The following VEPH1 variants were observed in gnomAD, a reference collection of about 807,000 sequenced individuals.
VEPH1 encodes the protein ventricular zone-expressed PH domain-containing protein homolog 1.
A neutral mutation model predicts 85.2 loss-of-function variants in VEPH1; 80 were observed. The observed-to-expected ratio is 0.94, with a 90% confidence interval of 0.78 to 1.13. The LOEUF is 1.13. VEPH1 is among the 50% of genes most tolerant of loss of function. The pLI is 0.00. For missense variants in VEPH1, 955 were observed against 980.5 expected, an observed-to-expected ratio of 0.97 and a Z score of 0.35; for synonymous variants, 297 against 348.0, an observed-to-expected ratio of 0.85 and a Z score of 1.63.
intron 9 of VEPH1, among the ~76,000 whole-genome samples, chr3:157,324,946 T>G (rs1371823786): frequency 6.6e-6 from 1 of 152,220 alleles, no homozygotes; most frequent in Admixed American, 6.5e-5. Flanking sequence ...TAATTTACAC[T>G]CCCACCAACA....
chr3:157,390,952 C>T (rs916948758), intron 6 of VEPH1, among the ~76,000 whole-genome samples: 3 of 152,212 alleles, frequency 2.0e-5, no homozygotes, highest in Non-Finnish European at 2.9e-5. Flanking sequence ...CAGATGCCAG[C>T]GCCCAAAGCG....
intron 9 of VEPH1, among the ~76,000 whole-genome samples, chr3:157,350,397 C>T (rs1402609450): frequency 2.0e-5 from 3 of 152,138 alleles, no homozygotes; most frequent in Non-Finnish European, 4.4e-5. Flanking sequence ...AAGTGTAAAA[C>T]TGGAAACTAT....
chr3:157,349,815 C>A (rs1428858895), intron 9 of VEPH1, among the ~76,000 whole-genome samples: 7 of 152,000 alleles, frequency 4.6e-5, no homozygotes, highest in Admixed American at 2.0e-4. Context: ...TCAATTTAAC[C>A]AAAGAGGTGG....
chr3:157,427,832 AT>A, intron 5 of VEPH1, among the ~76,000 whole-genome samples: 1 of 152,190 alleles, frequency 6.6e-6, no homozygotes, highest in East Asian at 1.9e-4. Context: ...ATTTCTGGGT[AT>A]GTCTGTGAGG....
chr3:157,429,406 A>G (rs1732977769), intron 4 of VEPH1, among the ~76,000 whole-genome samples: 1 of 152,226 alleles, frequency 6.6e-6, no homozygotes, highest in Non-Finnish European at 1.5e-5. Flanking sequence ...ATGCCTATAT[A>G]TAAAAGACAA....
At chr3:157,434,026 G>A (rs1733366085) in intron 4 of VEPH1, among the ~76,000 whole-genome samples, 1 of 151,432 alleles carries the variant, frequency 6.6e-6, no homozygotes, top group Admixed American at 6.6e-5. Context: ...TTATAATTCT[G>A]TCAACCTTTG....
chr3:157,487,903 C>T (rs188476104), intron 2 of VEPH1, among the ~76,000 whole-genome samples: 1 of 152,162 alleles, frequency 6.6e-6, no homozygotes, highest in African/African-American at 2.4e-5. Flanking sequence ...TGATAAAGAG[C>T]ATTAACCAAA....
At chr3:157,421,031 T>C (rs938411013) in intron 5 of VEPH1, among the ~76,000 whole-genome samples, 3 of 152,188 alleles carry the variant, frequency 2.0e-5, no homozygotes, top group Non-Finnish European at 2.9e-5. Flanking sequence ...GAGAATTCTC[T>C]GGAGGTACCA....
In VEPH1 at chr3:157,261,308, G is replaced by A. The variant is rs755013082; in HGVS notation, c.2328C>T (p.Ala776=). The change falls in exon 14 of 14, where the codon GCC becomes GCT. Residue 776 remains alanine, a synonymous_variant. Coordinates refer to ENST00000362010, the MANE Select transcript of VEPH1 (RefSeq NM_001167912.2). ...GGAGAGAGCGGTCCCTGCGTTTCTT[G>A]GCCACAGCCTTCACACTCTGTACTT... is the stretch of plus-strand genomic sequence containing the variant. ...LSKVQSVKAV[A]KKRRDRSLPR... The A allele has an allele frequency of 3.2e-5, 52 of 1,613,576 alleles. No homozygotes were observed. The highest frequency in any genetic ancestry group is 4.1e-5 in the Non-Finnish European group (48 of 1,179,758).
At chr3:157,313,334 G>A (rs1028486895) in intron 11 of VEPH1, among the ~76,000 whole-genome samples, 9 of 152,034 alleles carry the variant, frequency 5.9e-5, no homozygotes, top group African/African-American at 2.2e-4. Flanking sequence ...ACACCCAGCT[G>A]TAAAATCTTT....
At chr3:157,331,334 G>A (rs554934379) in intron 9 of VEPH1, among the ~76,000 whole-genome samples, 2 of 152,304 alleles carry the variant, frequency 1.3e-5, no homozygotes, top group African/African-American at 4.8e-5. Context: ...GAGGTGGTAT[G>A]GTGATCCTTG....
chr3:157,480,362 TTA>T (rs1447277575), intron 2 of VEPH1, among the ~76,000 whole-genome samples: 1 of 152,132 alleles, frequency 6.6e-6, no homozygotes, highest in African/African-American at 2.4e-5. Context: ...AGAGTATATT[TTA>T]TGACACTGAG....
chr3:157,325,603 TC>T (rs1463578561), intron 9 of VEPH1, among the ~76,000 whole-genome samples: 1 of 152,214 alleles, frequency 6.6e-6, no homozygotes, highest in Non-Finnish European at 1.5e-5. Flanking sequence ...GGGAATCCTT[TC>T]CCCATTGCTT....
At chr3:157,387,654 T>C (rs1729441424) in intron 6 of VEPH1, among the ~76,000 whole-genome samples, 1 of 152,238 alleles carries the variant, frequency 6.6e-6, no homozygotes, top group African/African-American at 2.4e-5. Context: ...TCTTCCCTGC[T>C]GAACCCAGAA....
rs183582449 is a variant in VEPH1, at chr3:157,440,071, T to C, written c.530-11583A>G. On this transcript the variant is annotated intron_variant, in intron 4 of 13. Transcript: ENST00000362010. ...TTATTGAAACTTTATAGAGACTATA[T>C]CAAATGCCCATGGATATGGTGATTT... 1.0e-3 allele frequency among the ~76,000 whole-genome samples: 159 copies of C among 152,308 alleles called. 1 individual carries two copies. The highest frequency in any genetic ancestry group is 3.7e-3 in the African/African-American group (155 of 41,580).
chr3:157,311,343 C>T (rs907884044), intron 11 of VEPH1, among the ~76,000 whole-genome samples: 3 of 152,172 alleles, frequency 2.0e-5, no homozygotes, highest in East Asian at 1.9e-4. Flanking sequence ...TCACTGCAGC[C>T]GATACACACA....
At chr3:157,453,317 T>G (rs1334900123) in intron 4 of VEPH1, among the ~76,000 whole-genome samples, 1 of 152,206 alleles carries the variant, frequency 6.6e-6, no homozygotes, top group African/African-American at 2.4e-5. Context: ...TCTCCTTCTC[T>G]TCTTCCTCAT....
intron 13 of VEPH1, among the ~76,000 whole-genome samples, chr3:157,264,479 C>T (rs1713342447): frequency 6.6e-6 from 1 of 152,178 alleles, no homozygotes; most frequent in East Asian, 1.9e-4. Flanking sequence ...GGTTCCATTT[C>T]TATGGAGATC....
chr3:157,492,594 T>G (rs771090383), intron 2 of VEPH1, among the ~76,000 whole-genome samples: 3 of 152,150 alleles, frequency 2.0e-5, no homozygotes, highest in African/African-American at 4.8e-5. Context: ...TTAAAGTTTT[T>G]CTTGTAGAAA....
Sources: gnomAD v4.1 joint callset for allele counts (sites outside exome capture counted in the v4.1 genomes callset) on GRCh38, gnomAD v4.1.1 for gene constraint, MANE v1.5 for transcripts, NCBI Gene and HGNC (gene_info 2026-07-23, HGNC 2026-07-21) for gene names.